The following OCIAD1 variants were observed in gnomAD, a reference collection of about 807,000 sequenced individuals.
OCIAD1 encodes OCIA domain containing 1, also known as OCIA domain-containing protein 1.
Under a neutral mutation model 38.9 loss-of-function variants are expected in OCIAD1, and 29 were observed. The observed-to-expected ratio is 0.74, with a 90% CI of 0.55 to 1.02. OCIAD1 has a LOEUF of 1.02. Ranked by LOEUF, OCIAD1 falls within the 50% of genes least tolerant of loss-of-function variation. The pLI, the probability that OCIAD1 is intolerant of heterozygous loss-of-function variation, is 0.00. For synonymous variants in OCIAD1, 110 were observed against 92.0 expected (o/e 1.20, Z -1.12); for missense variants, 288 against 289.6 (o/e 0.99, Z 0.04).
At chr4:48,842,573 A>G (rs1335345450) in intron 3 of OCIAD1, 63 bp from the exon 4 acceptor site, 22 of 1,032,742 alleles carry the variant, frequency 2.1e-5, no homozygotes, top group Non-Finnish European at 2.9e-5. Context: ...TCATTTATCT[A>G]ATGAACTTTA....
chr4:48,857,308 A>T lies in OCIAD1; in HGVS notation c.643A>T (p.Thr215Ser). Residue 215 changes from threonine (T) to serine (S), a missense_variant, in exon 8 of 9, where the codon ACA becomes TCA. Thr to Ser is a moderately conservative substitution (Grantham distance 58). Transcript: ENST00000264312. Reference sequence around the variant, plus strand: ...CAGAGAGTCATATGAAGTATCTTTAACACAAAAGACTGACCCCTCAGTCAG... The same window carrying T: ...CAGAGAGTCATATGAAGTATCTTTATCACAAAAGACTGACCCCTCAGTCAG... ...KNRESYEVSL[T>S]QKTDPSVRPM... is the part of the protein sequence containing the mutation. 1 of 1,600,370 alleles carries T rather than the reference A, an allele frequency of 6.2e-7. No homozygotes were observed. The highest frequency in any genetic ancestry group is 8.5e-7 in the Non-Finnish European group (1 of 1,173,180).
chr4:48,822,195 A>T (rs1777201117), intron 1 of OCIAD1, among the ~76,000 whole-genome samples: 1 of 152,212 alleles, frequency 6.6e-6, no homozygotes, highest in Non-Finnish European at 1.5e-5. Flanking sequence ...ACCAAAACAG[A>T]TGTATAGACA....
intron 1 of OCIAD1, among the ~76,000 whole-genome samples, chr4:48,818,068 C>T (rs534770040): frequency 3.9e-5 from 6 of 152,314 alleles, no homozygotes; most frequent in African/African-American, 1.4e-4. Context: ...TGCACCAGCT[C>T]TTCTAAGGGA....
chr4:48,830,115 G>C (rs1777359286), upstream of OCIAD1, among the ~76,000 whole-genome samples: 1 of 152,148 alleles, frequency 6.6e-6, no homozygotes, highest in South Asian at 2.1e-4. Flanking sequence ...TCTTGTTAGT[G>C]AACCCTGAAA....
upstream of OCIAD1, chr4:48,830,959 T>G (rs1777425024): frequency 6.4e-6 from 1 of 156,910 alleles, no homozygotes; most frequent in Non-Finnish European, 1.4e-5. Flanking sequence ...TGGCCGCAGC[T>G]GCCTGAAAGG....
intron 4 of OCIAD1, among the ~76,000 whole-genome samples, chr4:48,843,072 G>A (rs1778675203): frequency 6.6e-6 from 1 of 152,194 alleles, no homozygotes. Context: ...ATGATTTAAA[G>A]ATCAGTAGCT....
At chr4:48,821,067 T>G (rs544506414) in intron 1 of OCIAD1, among the ~76,000 whole-genome samples, 2 of 152,344 alleles carry the variant, frequency 1.3e-5, no homozygotes, top group East Asian at 3.9e-4. Context: ...AGCATCATCC[T>G]GATATGAAAA....
intron 5 of OCIAD1, 40 bp from the exon 6 acceptor site, chr4:48,849,907 G>T: frequency 1.3e-6 from 2 of 1,545,686 alleles, no homozygotes; most frequent in South Asian, 1.2e-5. Flanking sequence ...TGTCTGAAAG[G>T]CACATTCAGT....
chr4:48,818,642 T>C (rs1318474537), intron 1 of OCIAD1, among the ~76,000 whole-genome samples: 3 of 152,148 alleles, frequency 2.0e-5, no homozygotes, highest in African/African-American at 4.8e-5. Flanking sequence ...TAAAGGAGCA[T>C]GTTCCTACCC....
At chr4:48,860,611 T>C in intron 8 of OCIAD1, 114 bp from the exon 9 acceptor site, 1 of 841,842 alleles carries the variant, frequency 1.2e-6, no homozygotes, top group East Asian at 2.5e-5. Context: ...GACTCTCATG[T>C]GCTTTTATTC....
At chr4:48,824,938 G>A (rs1777233743) in intron 1 of OCIAD1, among the ~76,000 whole-genome samples, 1 of 152,074 alleles carries the variant, frequency 6.6e-6, no homozygotes, top group African/African-American at 2.4e-5. Flanking sequence ...GTTTCACAAT[G>A]TTGCCCAGGT....
chr4:48,814,249 T>G (rs531218214), intron 1 of OCIAD1, among the ~76,000 whole-genome samples: 1 of 151,958 alleles, frequency 6.6e-6, no homozygotes, highest in Admixed American at 6.5e-5. Context: ...GTTTTTTTTT[T>G]TTTTTTAATC....
At chr4:48,819,612 TAA>T (rs1357080377) in intron 1 of OCIAD1, among the ~76,000 whole-genome samples, 2 of 146,744 alleles carry the variant, frequency 1.4e-5, no homozygotes, top group African/African-American at 2.5e-5. Flanking sequence ...GCAAATTGGA[TAA>T]AGAGTCAAGA....
At chr4:48,807,262 G>A (rs1777037861) in intron 1 of OCIAD1, among the ~76,000 whole-genome samples, 1 of 151,634 alleles carries the variant, frequency 6.6e-6, no homozygotes, top group Non-Finnish European at 1.5e-5. Flanking sequence ...CAGGTTTATA[G>A]TGAGCTACGA....
In OCIAD1 at chr4:48,848,307, G is replaced by C. The variant is rs569695649; in HGVS notation, c.194-92G>C. On this transcript the variant is annotated intron_variant, in intron 4 of 8. Transcript: ENST00000264312. Reference sequence around the variant, plus strand: ...AGGGTTCTGTAGGATCATGGAAGGAGCTAATGTTGTAAGATTATATTTAAA... The same window carrying C: ...AGGGTTCTGTAGGATCATGGAAGGACCTAATGTTGTAAGATTATATTTAAA... 5.5e-5 allele frequency: 35 copies of C among 641,944 alleles called. No homozygotes were observed. In the African/African-American group the frequency reaches 6.1e-4, roughly 11 times the overall value. 39.8% of individuals were successfully genotyped at this position (641,944 alleles called of 1,614,324 possible). A position where few individuals can be genotyped will look rare whatever the true frequency, so the allele number is the denominator to read the frequency against.
rs529433938 is a variant in OCIAD1 at position 48,808,576 on chromosome 4, G to C, written c.-103+3246G>C. Among the ~76,000 whole-genome samples the C allele has an allele frequency of 3.9e-5, 6 of 152,190 alleles. No homozygotes were observed. In the East Asian group the frequency reaches 9.6e-4, roughly 24 times the overall value. Reference sequence around the variant, plus strand: ...ATGGGATTAAGGACCTTACAGAAGAGGCATTGCAGCATTTGGCTGGCTTGC... The same window carrying C: ...ATGGGATTAAGGACCTTACAGAAGACGCATTGCAGCATTTGGCTGGCTTGC... On this transcript the variant is annotated intron_variant, in intron 1 of 6. Transcript: ENST00000504654.
intron 4 of OCIAD1, among the ~76,000 whole-genome samples, chr4:48,847,736 T>G (rs1402030597): frequency 5.3e-5 from 8 of 152,224 alleles, no homozygotes; most frequent in Admixed American, 5.2e-4. Flanking sequence ...GTTTGCCTAT[T>G]CTTGTACTTA....
chr4:48,838,179 A>G (rs1039760036), intron 3 of OCIAD1, among the ~76,000 whole-genome samples: 3 of 152,118 alleles, frequency 2.0e-5, no homozygotes, highest in African/African-American at 4.8e-5. Flanking sequence ...TTAGCTGAGC[A>G]TGGTGGCAGG....
chr4:48,840,712 A>G (rs937514883), intron 3 of OCIAD1, among the ~76,000 whole-genome samples: 1 of 152,106 alleles, frequency 6.6e-6, no homozygotes, highest in African/African-American at 2.4e-5. Context: ...TAAATGGTTA[A>G]GAGGCTGGGT....
Sources: gnomAD v4.1 joint callset for allele counts (sites outside exome capture counted in the v4.1 genomes callset) on GRCh38, gnomAD v4.1.1 for gene constraint, MANE v1.5 for transcripts, NCBI Gene and HGNC (gene_info 2026-07-23, HGNC 2026-07-21) for gene names.